Variants in KLHL26 observed in about 807,000 individuals in gnomAD.
KLHL26 encodes kelch-like protein 26.
KLHL26 carries 4 observed loss-of-function variants against 7.1 expected under a neutral mutation model. The ratio of observed to expected loss-of-function variants is 0.56; its 90% CI spans 0.28 to 1.28. The LOEUF (loss-of-function observed/expected upper bound fraction) is 1.28. Among genes scored for constraint, KLHL26 ranks in the 50% most tolerant of loss-of-function variants. The probability of loss-of-function intolerance (pLI) is 0.11; values close to 1 mark genes in which losing one functional copy is unlikely to be tolerated. For synonymous variants in KLHL26, 465 were observed against 414.1 expected (o/e 1.12, Z -1.49); for missense variants, 896 against 924.6 (o/e 0.97, Z 0.40).
In KLHL26 at chr19:18,650,273, G is replaced by A. The variant is rs1249413516; in HGVS notation, c.83+13136G>A. Among the ~76,000 whole-genome samples the A allele has an allele frequency of 6.6e-6, 1 of 152,238 alleles. No homozygotes were observed. Among genetic ancestry groups the A allele is most frequent in the African/African-American group, 2.4e-5 (1 of 41,456 alleles). ...GAGGCAGTCTGCCTAAGGAGGCAGA[G>A]CAGAGAGGCATGTGATCACCCAGAT... On this transcript the variant is annotated intron_variant, in intron 1 of 2. Transcript: ENST00000300976. The surrounding 1 kb of genome is among the most constrained non-coding windows in gnomAD (Gnocchi z 4.2).
chr19:18,662,103 T>G (rs2052397366), intron 1 of KLHL26, among the ~76,000 whole-genome samples: 1 of 152,188 alleles, frequency 6.6e-6, no homozygotes, highest in Non-Finnish European at 1.5e-5. Context: ...AATATGCTCC[T>G]AAGGACTGAG....
At chr19:18,661,958 C>T (rs554184201) in intron 1 of KLHL26, among the ~76,000 whole-genome samples, 1 of 152,312 alleles carries the variant, frequency 6.6e-6, no homozygotes, top group South Asian at 2.1e-4. Flanking sequence ...TGGCTCACTG[C>T]AGCCTCCACC....
At position 18,668,116 on chromosome 19, in the gene KLHL26, G is replaced by A. The variant is rs746579789; in HGVS notation, c.719G>A (p.Arg240Gln). ...CGCTGGCTGCAGCATGACCCGGCCC[G>A]GCGGCCGCGCGCCAGCCACGTGCTC... Reference protein sequence around the residue: ...AVRWLQHDPARRPRASHVLCH... With the variant: ...AVRWLQHDPAQRPRASHVLCH... The change falls in exon 3 of 3, where the codon CGG (arginine) becomes CAG (glutamine). Residue 240 changes from arginine (R) to glutamine (Q), a missense_variant. Physicochemically the swap from Arg to Gln is conservative, Grantham distance 43. Coordinates refer to ENST00000300976, the MANE Select transcript of KLHL26 (RefSeq NM_018316.3). 1.4e-5 allele frequency: 22 copies of A among 1,601,226 alleles called. No homozygotes were observed. The highest frequency in any genetic ancestry group is 1.7e-4 in the Middle Eastern group (1 of 5,974).
At chr19:18,665,060 G>GTT (rs775490262) in intron 2 of KLHL26, among the ~76,000 whole-genome samples, 16 of 136,342 alleles carry the variant, frequency 1.2e-4, no homozygotes, top group Admixed American at 2.2e-4. Flanking sequence ...GATCTGTTTT[G>GTT]TTTTTTTTTT....
chr19:18,661,286 G>T (rs1568461223), intron 1 of KLHL26, among the ~76,000 whole-genome samples: 1 of 152,092 alleles, frequency 6.6e-6, no homozygotes, highest in Non-Finnish European at 1.5e-5. Context: ...CTCTCTGCTT[G>T]CTGGGGAACC....
In KLHL26 at chr19:18,668,100, C is replaced by A; in HGVS notation, c.703C>A (p.Gln235Lys). ...DLFRAAVRWLQHDPARRPRAS... is the reference protein window; with the variant it reads ...DLFRAAVRWLKHDPARRPRAS... ...GTTCCGCGCGGCCGTCCGCTGGCTG[C>A]AGCATGACCCGGCCCGGCGGCCGCG... The change falls in exon 3 of 3, where the codon CAG becomes AAG. Residue 235 changes from glutamine (Q) to lysine (K), a missense_variant. Transcript: ENST00000300976. The A allele has an allele frequency of 1.9e-6, 3 of 1,603,766 alleles. No individual in the cohort carries two copies. Among genetic ancestry groups the A allele is most frequent in the Non-Finnish European group, 2.5e-6 (3 of 1,179,354 alleles).
chr19:18,665,830 G>A (rs137954880), intron 2 of KLHL26, among the ~76,000 whole-genome samples: 2 of 152,164 alleles, frequency 1.3e-5, no homozygotes, highest in East Asian at 3.9e-4. Flanking sequence ...GAGCTGGGCC[G>A]CCCTGGGGAG....
chr19:18,638,275 G>A (rs76561599), intron 1 of KLHL26, among the ~76,000 whole-genome samples: 9,722 of 152,306 alleles, frequency 0.064, 363 homozygotes, highest in Non-Finnish European at 0.084. Flanking sequence ...GGAATGGCCT[G>A]ATGGCCTGGC....
chr19:18,642,938 A>C (rs1976740687), intron 1 of KLHL26, among the ~76,000 whole-genome samples: 1 of 151,746 alleles, frequency 6.6e-6, no homozygotes, highest in Non-Finnish European at 1.5e-5. Context: ...GGTTTAAGCG[A>C]TTCTCCTGCC....
At chr19:18,663,787 G>GGGGGCAGTA (rs1317379820) in intron 1 of KLHL26, among the ~76,000 whole-genome samples, 14 of 151,558 alleles carry the variant, frequency 9.2e-5, no homozygotes, top group Non-Finnish European at 1.5e-4. Context: ...GAGGGGATGA[G>GGGGGCAGTA]GGGGCAGTAG....
intron 2 of KLHL26, among the ~76,000 whole-genome samples, chr19:18,666,703 C>T (rs1403149185): frequency 6.6e-6 from 1 of 152,190 alleles, no homozygotes; most frequent in Non-Finnish European, 1.5e-5. Flanking sequence ...CTGGAGACAG[C>T]AGTCACCCCA....
Position 18,664,382 on chromosome 19 carries a change from A to C in KLHL26, c.205A>C (p.Ile69Leu). Residue 69 changes from isoleucine (I) to leucine (L), a missense_variant, in exon 2 of 3, where the codon ATT (isoleucine) becomes CTT (leucine). Coordinates refer to ENST00000300976, the MANE Select transcript of KLHL26 (RefSeq NM_018316.3). ...CCAGCTCCTCGATGTTGTGCTGACT[A>C]TTAACAGAGAGGCCTTTCCTGCACA... ...QGQLLDVVLT[I>L]NREAFPAHKV... is the part of the protein sequence containing the mutation. 6.2e-7 allele frequency: 1 copy of C among 1,608,618 alleles called. No individual in the cohort carries two copies. Among genetic ancestry groups the C allele is most frequent in the Non-Finnish European group, 8.5e-7 (1 of 1,178,918 alleles).
chr19:18,667,837 C>T lies in KLHL26; in HGVS notation c.440C>T (p.Pro147Leu), dbSNP rs760540212. ...LGAAVFLQML[P>L]VVELCEEFLK... Reference sequence around the variant, plus strand: ...GCGGCCGTGTTCTTGCAGATGCTGCCCGTGGTGGAGCTGTGCGAGGAGTTC... The same window carrying T: ...GCGGCCGTGTTCTTGCAGATGCTGCTCGTGGTGGAGCTGTGCGAGGAGTTC... The change falls in exon 3 of 3, where the codon CCC (proline) becomes CTC (leucine). Residue 147 changes from proline (P) to leucine (L), a missense_variant. Pro to Leu is a moderately conservative substitution (Grantham distance 98). Coordinates refer to ENST00000300976, the MANE Select transcript of KLHL26 (RefSeq NM_018316.3). The T allele has an allele frequency of 1.2e-6, 2 of 1,613,156 alleles. No homozygotes were observed. The highest frequency in any genetic ancestry group is 1.7e-6 in the Non-Finnish European group (2 of 1,179,980).
At position 18,656,951 on chromosome 19, in the gene KLHL26, C is replaced by T. The variant is rs1431442129; in HGVS notation, c.84-7310C>T. Reference sequence around the variant, plus strand: ...TGTCTCCCTGTCTCTGAGTCTCTGTCCCTCTCTCCCTGGGTCTCTGTCTCC... The same window carrying T: ...TGTCTCCCTGTCTCTGAGTCTCTGTTCCTCTCTCCCTGGGTCTCTGTCTCC... On this transcript the variant is annotated intron_variant, in intron 1 of 2. Coordinates refer to ENST00000300976, the MANE Select transcript of KLHL26 (RefSeq NM_018316.3). This position sits in a 1 kb window ranked among gnomAD's most constrained non-coding sequence, Gnocchi z 4.4. 6.6e-6 allele frequency among the ~76,000 whole-genome samples: 1 copy of T among 151,976 alleles called. No individual in the cohort carries two copies. The highest frequency in any genetic ancestry group is 2.4e-5 in the African/African-American group (1 of 41,354).
intron 1 of KLHL26, among the ~76,000 whole-genome samples, chr19:18,652,787 C>G (rs894612941): frequency 6.6e-6 from 1 of 152,110 alleles, no homozygotes; most frequent in African/African-American, 2.4e-5. Context: ...AGAACAGCCT[C>G]CACGAACCAA....
intron 2 of KLHL26, among the ~76,000 whole-genome samples, chr19:18,666,814 C>T (rs531739790): frequency 5.3e-5 from 8 of 152,352 alleles, no homozygotes; most frequent in Admixed American, 3.3e-4. Flanking sequence ...TCAGAGCTGC[C>T]TGCTTAGGTC....
chr19:18,641,625 C>T (rs1483370653), intron 1 of KLHL26, among the ~76,000 whole-genome samples: 1 of 99,292 alleles, frequency 1.0e-5, no homozygotes, highest in East Asian at 2.9e-4. Flanking sequence ...GGCTCTTTTT[C>T]TTTTTTCTTT....
chr19:18,639,324 C>T (rs1358733375), intron 1 of KLHL26, among the ~76,000 whole-genome samples: 1 of 151,980 alleles, frequency 6.6e-6, no homozygotes, highest in Non-Finnish European at 1.5e-5. Context: ...GATCCACCCG[C>T]CTCGGCCTCC....
intron 1 of KLHL26, among the ~76,000 whole-genome samples, chr19:18,638,591 A>C (rs1976658793): frequency 6.6e-6 from 1 of 152,218 alleles, no homozygotes; most frequent in South Asian, 2.1e-4. Context: ...CAGGGCTTGA[A>C]AATTGGGTAT....
Sources: allele counts gnomAD v4.1 joint callset (sites outside exome capture counted in the v4.1 genomes callset), GRCh38; gene constraint gnomAD v4.1.1; non-coding constraint Gnocchi (gnomAD v3.1); transcripts MANE v1.5; gene names NCBI Gene and HGNC (gene_info 2026-07-23, HGNC 2026-07-21).